PRELID2: variants seen among roughly 807,000 people sequenced by gnomAD.
PRELID2 encodes PRELI domain-containing protein 2.
PRELID2 carries 25 observed loss-of-function variants against 28.4 expected under a neutral mutation model. That is an observed-to-expected ratio of 0.88 (90% CI 0.64 to 1.23). PRELID2 has a LOEUF of 1.23. PRELID2 is among the 50% of genes most tolerant of loss of function. PRELID2 has a pLI of 0.00. For missense variants in PRELID2, 201 were observed against 214.4 expected (o/e 0.94, Z 0.39); for synonymous variants, 76 against 71.6 (o/e 1.06, Z -0.31).
At chr5:145,463,928 C>G in the PRELID2 span, among the ~76,000 whole-genome samples, 1 of 152,086 alleles carries the variant, frequency 6.6e-6, no homozygotes, top group Non-Finnish European at 1.5e-5. Context: ...ACAACAGCTT[C>G]CCAAATTCTA....
intron 1 of PRELID2, among the ~76,000 whole-genome samples, chr5:145,502,336 A>G (rs1752366975): frequency 6.6e-6 from 1 of 152,114 alleles, no homozygotes; most frequent in African/African-American, 2.4e-5. Context: ...GTGCTAACCC[A>G]TTCATGATAA....
intron 1 of PRELID2, among the ~76,000 whole-genome samples, chr5:145,645,668 A>T (rs551759674): frequency 7.8e-4 from 119 of 152,106 alleles, no homozygotes; most frequent in Non-Finnish European, 1.3e-3. Flanking sequence ...GCAGTGGCTG[A>T]TACCAGTTGT....
At chr5:145,440,433 C>T in the PRELID2 span, among the ~76,000 whole-genome samples, 3 of 152,108 alleles carry the variant, frequency 2.0e-5, no homozygotes, top group East Asian at 3.9e-4. Context: ...TTCAGAAAAC[C>T]GAATAATAGC....
At chr5:145,685,619 A>G (rs1389063474) in intron 1 of PRELID2, among the ~76,000 whole-genome samples, 1 of 152,178 alleles carries the variant, frequency 6.6e-6, no homozygotes, top group African/African-American at 2.4e-5. Context: ...GGAGTGCTAT[A>G]AAACATTGTC....
chr5:145,229,875 C>T, the PRELID2 span: 8 of 752,322 alleles, frequency 1.1e-5, no homozygotes, highest in Non-Finnish European at 2.0e-5. Context: ...GGTGCCGGTC[C>T]TCAAGGGCCA....
At chr5:145,496,002 G>C (rs1752306912) in intron 1 of PRELID2, among the ~76,000 whole-genome samples, 1 of 152,092 alleles carries the variant, frequency 6.6e-6, no homozygotes, top group African/African-American at 2.4e-5. Flanking sequence ...CACAGCTTTA[G>C]CTCAGATACC....
At chr5:145,491,222 T>G (rs1250966332) in intron 1 of PRELID2, among the ~76,000 whole-genome samples, 1 of 152,132 alleles carries the variant, frequency 6.6e-6, no homozygotes, top group African/African-American at 2.4e-5. Flanking sequence ...AAGTCCAAGA[T>G]CAAGGTGCAA....
chr5:145,324,959 T>C, the PRELID2 span, among the ~76,000 whole-genome samples: 3 of 152,218 alleles, frequency 2.0e-5, no homozygotes, highest in African/African-American at 7.2e-5. Context: ...CTAGTGCTTA[T>C]TGAATGAGTA....
chr5:145,786,496 C>G (rs1752003744), intron 5 of PRELID2, among the ~76,000 whole-genome samples: 1 of 152,156 alleles, frequency 6.6e-6, no homozygotes, highest in Non-Finnish European at 1.5e-5. Context: ...CTGAATCCTA[C>G]CAGCAACCAT....
chr5:145,756,287 C>A (rs1383635498), downstream of PRELID2, among the ~76,000 whole-genome samples: 1 of 152,148 alleles, frequency 6.6e-6, no homozygotes, highest in Non-Finnish European at 1.5e-5. Context: ...TAAATGATAA[C>A]CACAAGCTTG....
chr5:145,510,302 C>A (rs1165708367), intron 1 of PRELID2, among the ~76,000 whole-genome samples: 2 of 152,178 alleles, frequency 1.3e-5, no homozygotes, highest in Non-Finnish European at 2.9e-5. Context: ...TTTTCCCAGA[C>A]TCTTTAGAAA....
At chr5:145,660,638 A>G (rs1287851370) in intron 1 of PRELID2, among the ~76,000 whole-genome samples, 1 of 152,198 alleles carries the variant, frequency 6.6e-6, no homozygotes, top group African/African-American at 2.4e-5. Flanking sequence ...ATTGGTGCCA[A>G]TGGGGTTGTG....
intron 1 of PRELID2, among the ~76,000 whole-genome samples, chr5:145,733,129 C>T (rs531255555): frequency 1.5e-4 from 22 of 151,700 alleles, no homozygotes; most frequent in African/African-American, 5.3e-4. Flanking sequence ...GTGGCGTACA[C>T]CTGTAGTCCC....
chr5:145,565,846 T>C (rs1299888001), intron 1 of PRELID2, among the ~76,000 whole-genome samples: 1 of 152,192 alleles, frequency 6.6e-6, no homozygotes, highest in Non-Finnish European at 1.5e-5. Flanking sequence ...AAACATTTCT[T>C]TAAGTTTCAT....
chr5:145,754,090 G>C (rs1757195624), downstream of PRELID2: 1 of 152,178 alleles, frequency 6.6e-6, no homozygotes, highest in Admixed American at 6.6e-5. Context: ...GTAACCATCA[G>C]AACAGCTTGA....
chr5:145,508,293 TAGA>T (rs1486742606), intron 1 of PRELID2, among the ~76,000 whole-genome samples: 9 of 151,920 alleles, frequency 5.9e-5, no homozygotes, highest in South Asian at 2.1e-4. Context: ...GATAGATAGA[TAGA>T]TTAAAAAATG....
At chr5:145,709,948 T>C (rs973181187) in intron 1 of PRELID2, among the ~76,000 whole-genome samples, 1 of 152,152 alleles carries the variant, frequency 6.6e-6, no homozygotes, top group Non-Finnish European at 1.5e-5. Flanking sequence ...CCATTTAATT[T>C]CTGTCCCTGG....
intron 1 of PRELID2, among the ~76,000 whole-genome samples, chr5:145,502,106 T>C (rs1752364379): frequency 6.6e-6 from 1 of 152,130 alleles, no homozygotes; most frequent in South Asian, 2.1e-4. Context: ...AGAGGTTTAA[T>C]TGGCTCACAG....
intron 1 of PRELID2, among the ~76,000 whole-genome samples, chr5:145,740,681 T>A (rs769979370): frequency 0.092 from 3,112 of 33,770 alleles, 88 homozygotes; most frequent in Middle Eastern, 0.18. Context: ...ATATATTTTA[T>A]ATTTAATATA....
Sources: allele counts gnomAD v4.1 joint callset (sites outside exome capture counted in the v4.1 genomes callset), GRCh38; gene constraint gnomAD v4.1.1; transcripts MANE v1.5; gene names NCBI Gene and HGNC (gene_info 2026-07-23, HGNC 2026-07-21).